CPNE5: variants seen among roughly 807,000 people sequenced by gnomAD.
The protein encoded by CPNE5 is copine-5.
CPNE5 carries 42 observed loss-of-function variants against 81.1 expected under a neutral mutation model. The observed-to-expected ratio is 0.52, with a 90% CI of 0.40 to 0.67. The LOEUF is 0.67. CPNE5 is among the 30% of genes least tolerant of loss of function. The pLI, the probability that CPNE5 is intolerant of heterozygous loss-of-function variation, is 0.00. For missense variants in CPNE5, 612 were observed against 815.5 expected (o/e 0.75, Z 3.04); for synonymous variants, 313 against 321.5 (o/e 0.97, Z 0.28).
At chr6:36,817,496 A>T (rs1771652446) in intron 3 of CPNE5, among the ~76,000 whole-genome samples, 1 of 151,316 alleles carries the variant, frequency 6.6e-6, no homozygotes, top group African/African-American at 2.4e-5. Flanking sequence ...TGACATTCTC[A>T]CTCTACAACT....
chr6:36,753,185 G>A (rs751782526), intron 13 of CPNE5, 90 bp from the exon 14 acceptor site: 23 of 1,060,130 alleles, frequency 2.2e-5, no homozygotes, highest in Middle Eastern at 2.0e-4. Context: ...CAGAACACTC[G>A]GCATGTGCCA....
Position 36,794,659 on chromosome 6 carries a change from G to C in CPNE5, c.405-10C>G, listed in dbSNP as rs376361678. The C allele has an allele frequency of 7.4e-6, 12 of 1,612,998 alleles. No homozygotes were observed. The highest frequency in any genetic ancestry group is 4.0e-5 in the African/African-American group (3 of 74,812). ...GCTGAATGCGCCTATCCTGTGGAGA[G>C]AGAGGGGGAGAGAGAGCATGCCATG... On this transcript the variant is annotated splice_polypyrimidine_tract_variant and intron_variant, in intron 6 of 20. Transcript: ENST00000244751.
chr6:36,785,273 G>A (rs1768430315), intron 8 of CPNE5, among the ~76,000 whole-genome samples: 1 of 152,112 alleles, frequency 6.6e-6, no homozygotes, highest in African/African-American at 2.4e-5. Context: ...GAAGAAGGCT[G>A]TTGGGTCTCA....
intron 10 of CPNE5, among the ~76,000 whole-genome samples, chr6:36,773,192 G>A (rs755987811): frequency 7.2e-5 from 11 of 151,956 alleles, no homozygotes; most frequent in Non-Finnish European, 1.3e-4. Flanking sequence ...TGTCTGTTTC[G>A]ACACCCCAGT....
chr6:36,763,096 G>C, intron 11 of CPNE5, 104 bp from the exon 12 acceptor site: 3 of 992,262 alleles, frequency 3.0e-6, no homozygotes, highest in Non-Finnish European at 4.8e-6. Flanking sequence ...ATTCTACCTG[G>C]GACTCCACTC....
chr6:36,805,659 G>A (rs1449447861), intron 3 of CPNE5, among the ~76,000 whole-genome samples: 3 of 152,042 alleles, frequency 2.0e-5, no homozygotes, highest in Non-Finnish European at 4.4e-5. Flanking sequence ...CCCAGGGCTG[G>A]GACGGTCTCC....
At chr6:36,834,254 C>CAAAAAAAAAAAAAAAAA (rs1157250827) in intron 1 of CPNE5, among the ~76,000 whole-genome samples, 2 of 21,686 alleles carry the variant, frequency 9.2e-5, no homozygotes, top group Non-Finnish European at 1.3e-4. Context: ...GACTGTATCT[C>CAAAAAAAAAAAAAAAAA]AAAAAAAAAA....
chr6:36,794,119 A>T (rs1048686887), intron 7 of CPNE5, among the ~76,000 whole-genome samples: 1 of 148,352 alleles, frequency 6.7e-6, no homozygotes, highest in Non-Finnish European at 1.5e-5. Flanking sequence ...AGCTGGATCT[A>T]CTCTGTGGTG....
At chr6:36,823,014 G>A (rs769524578) in intron 2 of CPNE5, 44 bp downstream of exon 2, 16 of 1,499,038 alleles carry the variant, frequency 1.1e-5, no homozygotes, top group Middle Eastern at 1.8e-4. Flanking sequence ...TAGTCATAGC[G>A]TTGCCGCTAT....
At chr6:36,788,353 G>A (rs541391601) in intron 8 of CPNE5, among the ~76,000 whole-genome samples, 39 of 152,224 alleles carry the variant, frequency 2.6e-4, no homozygotes, top group African/African-American at 9.1e-4. Context: ...ACTGCTCAAA[G>A]CCACCCTGCC....
intron 3 of CPNE5, among the ~76,000 whole-genome samples, chr6:36,809,142 T>C (rs1469627771): frequency 6.6e-6 from 1 of 151,994 alleles, no homozygotes; most frequent in African/African-American, 2.4e-5. Context: ...ATAATGTGAG[T>C]GTCCCTGACC....
chr6:36,759,710 G>A (rs568462634), intron 12 of CPNE5, among the ~76,000 whole-genome samples: 3 of 152,136 alleles, frequency 2.0e-5, no homozygotes, highest in East Asian at 3.9e-4. Context: ...GGGAGGCTCC[G>A]TGGACCAATA....
Position 36,839,432 on chromosome 6 carries a change from C to T in CPNE5, c.-55G>A, listed in dbSNP as rs1343720337. The T allele has an allele frequency of 4.2e-6, 6 of 1,432,786 alleles. No individual in the cohort carries two copies. The highest frequency in any genetic ancestry group is 1.3e-5 in the South Asian group (1 of 76,466). 88.8% of individuals were successfully genotyped at this position (1,432,786 alleles called of 1,614,324 possible). A position where few individuals can be genotyped will look rare whatever the true frequency, so the allele number is the denominator to read the frequency against. On this transcript the variant is annotated 5_prime_UTR_variant, in exon 1 of 21. Transcript: ENST00000244751. The surrounding 1 kb of genome is among the most constrained non-coding windows in gnomAD (Gnocchi z 7.3). ...TCAATCCCTGCGCGATTCACGCCTC[C>T]TCCGGAGCGACTGGAGCCCTGGGCT...
At chr6:36,790,168 A>G (rs976820411) in intron 8 of CPNE5, among the ~76,000 whole-genome samples, 1 of 152,196 alleles carries the variant, frequency 6.6e-6, no homozygotes, top group Admixed American at 6.5e-5. Context: ...GAGGAAAATT[A>G]ATGAGGACCA....
rs1271186329 is a variant in CPNE5, at chr6:36,742,394, G to T, written c.1656C>A (p.Asp552Glu). The T allele has an allele frequency of 1.2e-6, 2 of 1,613,652 alleles. No individual in the cohort carries two copies. The highest frequency in any genetic ancestry group is 1.3e-5 in the African/African-American group (1 of 74,940). The change falls in exon 21 of 21, where the codon GAC becomes GAA. Residue 552 changes from aspartate (D) to glutamate (E), a missense_variant. By Grantham distance (45) the Asp-to-Glu change is conservative (BLOSUM62 2). Coordinates refer to ENST00000244751, the MANE Select transcript of CPNE5 (RefSeq NM_020939.2). ...LARDVLAEIP[D>E]QLVSYMKAQG... is the part of the protein sequence containing the mutation. ...GTGCCTTCATGTAGGACACCAGTTGGTCAGGGATCTCTGCCAGCACGTCTC... is the reference window on the plus strand; with the variant it reads ...GTGCCTTCATGTAGGACACCAGTTGTTCAGGGATCTCTGCCAGCACGTCTC...
At chr6:36,818,531 A>G (rs113221235) in intron 3 of CPNE5, among the ~76,000 whole-genome samples, 12 of 152,312 alleles carry the variant, frequency 7.9e-5, no homozygotes, top group African/African-American at 2.9e-4. Flanking sequence ...ATGCTGTATA[A>G]TGAATATTTA....
At chr6:36,808,489 C>T (rs937974877) in intron 3 of CPNE5, among the ~76,000 whole-genome samples, 2 of 152,134 alleles carry the variant, frequency 1.3e-5, no homozygotes, top group African/African-American at 2.4e-5. Context: ...TCTCCCGGCA[C>T]GTGAGTCAAC....
intron 3 of CPNE5, among the ~76,000 whole-genome samples, chr6:36,807,292 TC>T (rs1165474759): frequency 1.3e-5 from 2 of 152,240 alleles, no homozygotes; most frequent in African/African-American, 4.8e-5. Flanking sequence ...GCTCTGCTAC[TC>T]CCTGGTTATG....
intron 10 of CPNE5, among the ~76,000 whole-genome samples, chr6:36,772,884 A>C (rs982201080): frequency 2.0e-5 from 3 of 151,900 alleles, no homozygotes; most frequent in Non-Finnish European, 4.4e-5. Flanking sequence ...CAGCATCCCA[A>C]GCTGGAGTGC....
Sources: allele counts gnomAD v4.1 joint callset (sites outside exome capture counted in the v4.1 genomes callset), GRCh38; gene constraint gnomAD v4.1.1; non-coding constraint Gnocchi (gnomAD v3.1); transcripts MANE v1.5; gene names NCBI Gene and HGNC (gene_info 2026-07-23, HGNC 2026-07-21).